The following KCTD8 variants were observed in gnomAD, a reference collection of about 807,000 sequenced individuals.
KCTD8 encodes the protein potassium channel tetramerization domain containing 8, also known as BTB/POZ domain-containing protein KCTD8.
KCTD8 carries 27 observed loss-of-function variants against 31.5 expected under a neutral mutation model. The observed-to-expected ratio is 0.86, with a 90% CI of 0.63 to 1.18. The LOEUF (loss-of-function observed/expected upper bound fraction) is 1.18. Ranked by LOEUF, KCTD8 falls within the 50% of genes most tolerant of loss-of-function variation. KCTD8 has a pLI of 0.00. For missense variants in KCTD8, 658 were observed against 647.7 expected, an observed-to-expected ratio of 1.02 and a Z score of -0.17; for synonymous variants, 290 against 280.0, an observed-to-expected ratio of 1.04 and a Z score of -0.36.
intron 1 of KCTD8, among the ~76,000 whole-genome samples, chr4:44,423,170 C>T (rs1051958310): frequency 2.0e-5 from 3 of 152,096 alleles, no homozygotes; most frequent in Non-Finnish European, 2.9e-5. Flanking sequence ...TGATGCTCAA[C>T]ATCTCACACA....
intron 1 of KCTD8, among the ~76,000 whole-genome samples, chr4:44,298,980 G>A (rs1042866018): frequency 3.3e-5 from 5 of 152,150 alleles, no homozygotes; most frequent in Non-Finnish European, 5.9e-5. Flanking sequence ...GTTTTCAATG[G>A]CAATAAAATA....
intron 1 of KCTD8, among the ~76,000 whole-genome samples, chr4:44,443,074 C>T (rs1721854257): frequency 6.6e-6 from 1 of 152,176 alleles, no homozygotes; most frequent in Non-Finnish European, 1.5e-5. Context: ...GTCATTTTGT[C>T]TGCTTTATTA....
intron 1 of KCTD8, among the ~76,000 whole-genome samples, chr4:44,232,640 CT>C (rs1414644107): frequency 6.6e-6 from 1 of 152,100 alleles, no homozygotes; most frequent in Non-Finnish European, 1.5e-5. Flanking sequence ...TTAGTTTTAT[CT>C]TCTGAGATAT....
At chr4:44,422,470 T>C (rs4312793) in intron 1 of KCTD8, among the ~76,000 whole-genome samples, 70,614 of 151,864 alleles carry the variant, frequency 0.46, 17,453 homozygotes, top group South Asian at 0.63. Context: ...TTCTCCCCCA[T>C]CTTTTATTGT....
intron 1 of KCTD8, among the ~76,000 whole-genome samples, chr4:44,378,750 C>G (rs1015622812): frequency 4.6e-5 from 7 of 152,206 alleles, no homozygotes; most frequent in Middle Eastern, 3.4e-3. Context: ...GTTTCCTAAG[C>G]CTGCTGTTAC....
chr4:44,289,690 G>A (rs1717212103), intron 1 of KCTD8, among the ~76,000 whole-genome samples: 1 of 152,166 alleles, frequency 6.6e-6, no homozygotes, highest in African/African-American at 2.4e-5. Flanking sequence ...TGGTGGGGGT[G>A]TGTGGGGGGT....
chr4:44,364,963 A>G (rs1197044630), intron 1 of KCTD8, among the ~76,000 whole-genome samples: 1 of 152,086 alleles, frequency 6.6e-6, no homozygotes, highest in Non-Finnish European at 1.5e-5. Context: ...TAGAGCTAAG[A>G]AACTATTCTG....
chr4:44,271,768 A>T (rs1577586913), intron 1 of KCTD8, among the ~76,000 whole-genome samples: 1 of 152,112 alleles, frequency 6.6e-6, no homozygotes, highest in African/African-American at 2.4e-5. Flanking sequence ...TCCCATAAGG[A>T]ATACTTTTAG....
At chr4:44,397,337 C>T (rs1475270445) in intron 1 of KCTD8, among the ~76,000 whole-genome samples, 7 of 152,040 alleles carry the variant, frequency 4.6e-5, no homozygotes, top group Non-Finnish European at 7.4e-5. Flanking sequence ...TTCTCTAATA[C>T]TCATATACGT....
At chr4:44,246,766 A>C (rs1452863643) in intron 1 of KCTD8, among the ~76,000 whole-genome samples, 1 of 151,980 alleles carries the variant, frequency 6.6e-6, no homozygotes, top group Non-Finnish European at 1.5e-5. Flanking sequence ...AAAATCAACT[A>C]TGAAGACTGC....
At chr4:44,291,374 T>C (rs1420189492) in intron 1 of KCTD8, among the ~76,000 whole-genome samples, 1 of 151,900 alleles carries the variant, frequency 6.6e-6, no homozygotes, top group Non-Finnish European at 1.5e-5. Context: ...TTGTCAAAAA[T>C]AAGCAATGGA....
chr4:44,432,642 A>C (rs1721533476), intron 1 of KCTD8, among the ~76,000 whole-genome samples: 2 of 151,628 alleles, frequency 1.3e-5, no homozygotes, highest in Non-Finnish European at 3.0e-5. Flanking sequence ...AGCATTAACT[A>C]GCTCTGATCT....
At chr4:44,398,581 C>A (rs1246654692) in intron 1 of KCTD8, among the ~76,000 whole-genome samples, 3 of 152,136 alleles carry the variant, frequency 2.0e-5, no homozygotes, top group Non-Finnish European at 4.4e-5. Flanking sequence ...TTATAGCAGC[C>A]TTTCAACTCT....
rs147467993 is a variant in KCTD8, at chr4:44,239,013, C to T, written c.962-63763G>A. Among the ~76,000 whole-genome samples the T allele has an allele frequency of 4.9e-3, 742 of 152,284 alleles. 1 individual carries two copies. The highest frequency in any genetic ancestry group is 0.012 in the South Asian group (57 of 4,826). On this transcript the variant is annotated intron_variant, in intron 1 of 1. Transcript: ENST00000360029. ...TAAGGAAACAAAAAACACAGCACCT[C>T]AGTTCTAACAAATTCTACAAATTGC...
chr4:44,443,203 A>G (rs369648253), intron 1 of KCTD8, among the ~76,000 whole-genome samples: 10 of 152,228 alleles, frequency 6.6e-5, no homozygotes, highest in Admixed American at 3.3e-4. Flanking sequence ...AAATTTTCAC[A>G]TTGTAATTGT....
Position 44,448,473 on chromosome 4 carries a change from G to A in KCTD8, c.51C>T (p.Ser17=). The A allele has an allele frequency of 1.9e-6, 3 of 1,539,768 alleles. No homozygotes were observed. Among genetic ancestry groups the A allele is most frequent in the East Asian group, 2.3e-5 (1 of 44,100 alleles). The change falls in exon 1 of 2, where the codon AGC becomes AGT. Residue 17 remains serine (S), a synonymous_variant. Transcript: ENST00000360029. This position sits in a 1 kb window ranked among gnomAD's most constrained non-coding sequence, Gnocchi z 4.1. The part of the protein sequence containing the change: ...GSGGSTILPI[S]EMVSSSSSPG... The stretch of plus-strand genomic sequence containing the variant: ...GCGAGCTGGACGAGGAAACCATCTC[G>A]CTAATGGGCAGGATGGTGCTGCCGC...
At chr4:44,242,886 A>T (rs1577571658) in intron 1 of KCTD8, among the ~76,000 whole-genome samples, 1 of 152,172 alleles carries the variant, frequency 6.6e-6, no homozygotes, top group East Asian at 1.9e-4. Flanking sequence ...GTCTTTCACC[A>T]TGAGTAAAAG....
At chr4:44,179,151 T>A (rs79569427) in intron 1 of KCTD8, among the ~76,000 whole-genome samples, 1 of 149,560 alleles carries the variant, frequency 6.7e-6, no homozygotes, top group Non-Finnish European at 1.5e-5. Flanking sequence ...CTACACTAGC[T>A]TTTTTTTTTC....
intron 1 of KCTD8, among the ~76,000 whole-genome samples, chr4:44,432,513 C>T (rs1341132992): frequency 6.6e-6 from 1 of 151,630 alleles, no homozygotes; most frequent in African/African-American, 2.4e-5. Context: ...GGAACAAATG[C>T]TCAATTTTTA....
Sources: gnomAD v4.1 joint callset for allele counts (sites outside exome capture counted in the v4.1 genomes callset) on GRCh38, gnomAD v4.1.1 for gene constraint, Gnocchi (gnomAD v3.1) non-coding constraint, MANE v1.5 for transcripts, NCBI Gene and HGNC (gene_info 2026-07-23, HGNC 2026-07-21) for gene names.